The following PDGFC variants were observed in gnomAD, a reference collection of about 807,000 sequenced individuals.
PDGFC encodes platelet derived growth factor C.
A neutral mutation model predicts 35.5 loss-of-function variants in PDGFC; 12 were observed. The observed-to-expected ratio is 0.34, with a 90% confidence interval of 0.22 to 0.55. The LOEUF (loss-of-function observed/expected upper bound fraction) is 0.55. Among genes scored for constraint, PDGFC ranks in the 20% least tolerant of loss-of-function variants. The pLI is 0.91. For synonymous variants in PDGFC, 159 were observed against 148.8 expected, an observed-to-expected ratio of 1.07 and a Z score of -0.50; for missense variants, 322 against 412.4, an observed-to-expected ratio of 0.78 and a Z score of 1.90.
At chr4:156,934,944 C>T (rs1356189790) in intron 1 of PDGFC, among the ~76,000 whole-genome samples, 1 of 152,106 alleles carries the variant, frequency 6.6e-6, no homozygotes, top group South Asian at 2.1e-4. Context: ...CTTCTGGAAT[C>T]TGTCCTAAAA....
At chr4:156,862,276 A>T (rs1262203393) in intron 1 of PDGFC, among the ~76,000 whole-genome samples, 1 of 152,194 alleles carries the variant, frequency 6.6e-6, no homozygotes, top group Non-Finnish European at 1.5e-5. Flanking sequence ...CTTAAGATCA[A>T]ATTAATAGGG....
chr4:156,908,947 G>T (rs1391837893), intron 1 of PDGFC, among the ~76,000 whole-genome samples: 1 of 152,086 alleles, frequency 6.6e-6, no homozygotes, highest in East Asian at 1.9e-4. Context: ...GATGAACTTG[G>T]AAAACATTAT....
intron 1 of PDGFC, among the ~76,000 whole-genome samples, chr4:156,939,504 G>A (rs1407217038): frequency 6.6e-6 from 1 of 152,040 alleles, no homozygotes; most frequent in Non-Finnish European, 1.5e-5. Context: ...TTGAAGAGAT[G>A]AGTCTATACA....
At chr4:156,793,534 C>CATATATATATATATATAT (rs66571528) in intron 3 of PDGFC, among the ~76,000 whole-genome samples, 2 of 130,634 alleles carry the variant, frequency 1.5e-5, no homozygotes, top group African/African-American at 5.7e-5. Context: ...GAATTATGTG[C>CATATATATATATATATAT]ATATATATAT....
chr4:156,844,060 C>T (rs901998881), intron 2 of PDGFC, among the ~76,000 whole-genome samples: 2 of 152,142 alleles, frequency 1.3e-5, no homozygotes, highest in Non-Finnish European at 2.9e-5. Flanking sequence ...TCATCTTAGA[C>T]CAAACTCCAA....
chr4:156,814,127 T>A (rs937710791), intron 2 of PDGFC, among the ~76,000 whole-genome samples: 3 of 151,230 alleles, frequency 2.0e-5, no homozygotes, highest in African/African-American at 7.3e-5. Flanking sequence ...TTCTATGATT[T>A]AAAAAAAAAA....
chr4:156,870,102 C>A (rs1019483300), intron 1 of PDGFC, among the ~76,000 whole-genome samples: 1 of 151,960 alleles, frequency 6.6e-6, no homozygotes, highest in African/African-American at 2.4e-5. Flanking sequence ...TCATGTATCA[C>A]AATGAAAATT....
chr4:156,865,921 A>G (rs894591202), intron 1 of PDGFC, among the ~76,000 whole-genome samples: 1 of 152,204 alleles, frequency 6.6e-6, no homozygotes, highest in Non-Finnish European at 1.5e-5. Context: ...TTCGTTTAAC[A>G]AAACACCATA....
intron 4 of PDGFC, among the ~76,000 whole-genome samples, chr4:156,769,787 C>A (rs1453005223): frequency 6.6e-6 from 1 of 151,950 alleles, no homozygotes. Flanking sequence ...ATAGTATATG[C>A]ATACATTCCT....
Position 156,817,259 on chromosome 4 carries a change from T to A in PDGFC, c.315-6242A>T, listed in dbSNP as rs566830293. On this transcript the variant is annotated intron_variant, in intron 2 of 5. Coordinates refer to ENST00000502773, the MANE Select transcript of PDGFC (RefSeq NM_016205.3). ...TGAAAATTAATAAAGACAAAAGCTGTAAGAGATATAATCAAAATTAAAGTT... is the reference window on the plus strand; with the variant it reads ...TGAAAATTAATAAAGACAAAAGCTGAAAGAGATATAATCAAAATTAAAGTT... Among the ~76,000 whole-genome samples the A allele has an allele frequency of 3.3e-5, 5 of 152,108 alleles. 1 individual carries two copies. The South Asian group carries it at 1.0e-3, about 32-fold the overall frequency.
rs577846098 is a variant in PDGFC at position 156,802,881 on chromosome 4, G to T, written c.495+7956C>A. Reference sequence around the variant, plus strand: ...TTAAGTTTGAGGGTTAATACTTAGAGCATTTTAAGTTATGCAAGGCTGCAA... The same window carrying T: ...TTAAGTTTGAGGGTTAATACTTAGATCATTTTAAGTTATGCAAGGCTGCAA... On this transcript the variant is annotated intron_variant, in intron 3 of 5. Transcript: ENST00000502773. Among the ~76,000 whole-genome samples, 3 of 152,252 alleles carry T rather than the reference G, an allele frequency of 2.0e-5. No individual in the cohort carries two copies. The East Asian group carries it at 5.8e-4, about 29-fold the overall frequency.
rs574620324 is a variant in PDGFC at position 156,815,219 on chromosome 4, A to G, written c.315-4202T>C. ...CAGAACTCGTGTCATACAAAAATATATAATTCCAAATTCATGCAATTATTC... is the reference window on the plus strand; with the variant it reads ...CAGAACTCGTGTCATACAAAAATATGTAATTCCAAATTCATGCAATTATTC... On this transcript the variant is annotated intron_variant, in intron 2 of 5. Coordinates refer to ENST00000502773, the MANE Select transcript of PDGFC (RefSeq NM_016205.3). 1.2e-4 allele frequency among the ~76,000 whole-genome samples: 14 copies of G among 112,306 alleles called. 1 individual carries two copies. The South Asian group carries it at 4.6e-3, about 37-fold the overall frequency. 73.7% of individuals were successfully genotyped at this position (112,306 alleles called of 152,430 possible).
chr4:156,785,608 C>T (rs775672271), intron 3 of PDGFC, among the ~76,000 whole-genome samples: 10 of 152,064 alleles, frequency 6.6e-5, no homozygotes, highest in Non-Finnish European at 1.0e-4. Context: ...AAGGGAGCAG[C>T]CAGCATCAGA....
At chr4:156,914,506 C>T (rs1025544294) in intron 1 of PDGFC, among the ~76,000 whole-genome samples, 15 of 152,304 alleles carry the variant, frequency 9.8e-5, no homozygotes, top group African/African-American at 3.6e-4. Flanking sequence ...TGGACTATAA[C>T]AAGAACTCAC....
chr4:156,919,353 G>A (rs1283883845), intron 1 of PDGFC, among the ~76,000 whole-genome samples: 1 of 152,116 alleles, frequency 6.6e-6, no homozygotes, highest in African/African-American at 2.4e-5. Flanking sequence ...TAGAGAATTT[G>A]GTGATACAGA....
At chr4:156,802,675 T>C (rs989157936) in intron 3 of PDGFC, among the ~76,000 whole-genome samples, 33 of 152,130 alleles carry the variant, frequency 2.2e-4, no homozygotes, top group Middle Eastern at 3.4e-3. Flanking sequence ...GTTCAGAACA[T>C]TGGTAACCAG....
chr4:156,798,549 A>T (rs1213577675), intron 3 of PDGFC, among the ~76,000 whole-genome samples: 1 of 152,190 alleles, frequency 6.6e-6, no homozygotes, highest in East Asian at 1.9e-4. Flanking sequence ...AGAGTTCTTC[A>T]TATTACTTTT....
At chr4:156,804,569 A>G (rs536107720) in intron 3 of PDGFC, among the ~76,000 whole-genome samples, 2 of 152,000 alleles carry the variant, frequency 1.3e-5, no homozygotes, top group East Asian at 1.9e-4. Context: ...ACCACTCAAC[A>G]TGACACTCAC....
intron 1 of PDGFC, among the ~76,000 whole-genome samples, chr4:156,958,748 C>G (rs1449012317): frequency 6.6e-6 from 1 of 152,040 alleles, no homozygotes; most frequent in Non-Finnish European, 1.5e-5. Flanking sequence ...TTTACTGAAC[C>G]ATTTTGGCAC....
Sources: allele counts gnomAD v4.1 joint callset (sites outside exome capture counted in the v4.1 genomes callset), GRCh38; gene constraint gnomAD v4.1.1; transcripts MANE v1.5; gene names NCBI Gene and HGNC (gene_info 2026-07-23, HGNC 2026-07-21).